The following CNTN5 variants were observed in gnomAD, a reference collection of about 807,000 sequenced individuals.
CNTN5 encodes contactin 5, also known as contactin-5.
In CNTN5, 77 loss-of-function variants were observed where a neutral mutation model predicts 129.1. The ratio of observed to expected loss-of-function variants is 0.60; its 90% confidence interval spans 0.50 to 0.72. CNTN5 has a LOEUF of 0.72. Ranked by LOEUF, CNTN5 falls within the 30% of genes least tolerant of loss-of-function variation. CNTN5 has a pLI of 0.00. For missense variants in CNTN5, 1,478 were observed against 1,328.8 expected (o/e 1.11, Z -1.75); for synonymous variants, 509 against 465.6 (o/e 1.09, Z -1.20).
chr11:99,955,025 TTTAA>T (rs1950764904), intron 7 of CNTN5, among the ~76,000 whole-genome samples: 1 of 152,140 alleles, frequency 6.6e-6, no homozygotes, highest in Non-Finnish European at 1.5e-5. Context: ...TATTTTTAAA[TTTAA>T]TGAATGATGT....
intron 3 of CNTN5, among the ~76,000 whole-genome samples, chr11:99,661,908 G>A (rs1463064894): frequency 6.6e-6 from 1 of 152,034 alleles, no homozygotes; most frequent in Non-Finnish European, 1.5e-5. Flanking sequence ...AATTTATGTA[G>A]AAGCAAGAGA....
intron 3 of CNTN5, among the ~76,000 whole-genome samples, chr11:99,798,544 T>G (rs1946018785): frequency 6.6e-6 from 1 of 152,130 alleles, no homozygotes; most frequent in Admixed American, 6.5e-5. Flanking sequence ...ACTGCTTGTT[T>G]TTGTTGACTT....
intron 18 of CNTN5, among the ~76,000 whole-genome samples, chr11:100,289,347 A>G (rs371686705): frequency 6.6e-5 from 10 of 152,100 alleles, no homozygotes; most frequent in South Asian, 2.1e-4. Flanking sequence ...GAACATTGAT[A>G]CAAAAATCCT....
chr11:99,228,849 AG>A (rs2135722168), intron 1 of CNTN5, among the ~76,000 whole-genome samples: 1 of 152,114 alleles, frequency 6.6e-6, no homozygotes, highest in Admixed American at 6.6e-5. Context: ...AAAATATTTC[AG>A]ACTTTTTAAT....
chr11:100,107,011 T>C (rs1945462687), intron 13 of CNTN5, among the ~76,000 whole-genome samples: 1 of 152,302 alleles, frequency 6.6e-6, no homozygotes, highest in East Asian at 1.9e-4. Flanking sequence ...TTAACTACAG[T>C]CATACCTATT....
At chr11:99,738,551 C>A (rs1417610567) in intron 3 of CNTN5, among the ~76,000 whole-genome samples, 1 of 151,272 alleles carries the variant, frequency 6.6e-6, no homozygotes, top group African/African-American at 2.4e-5. Flanking sequence ...AAGGAAAGTG[C>A]TGAAAGCAGA....
intron 1 of CNTN5, among the ~76,000 whole-genome samples, chr11:99,236,494 ACACAG>A (rs769160202): frequency 6.3e-4 from 91 of 144,490 alleles, no homozygotes; most frequent in South Asian, 1.1e-3. Flanking sequence ...ACACACACAC[ACACAG>A]AGAGAGAGAG....
At chr11:99,732,275 G>C (rs1943560397) in intron 3 of CNTN5, among the ~76,000 whole-genome samples, 1 of 152,108 alleles carries the variant, frequency 6.6e-6, no homozygotes, top group African/African-American at 2.4e-5. Flanking sequence ...GAGTTAGTGA[G>C]CTGGAATGAT....
intron 1 of CNTN5, among the ~76,000 whole-genome samples, chr11:99,113,169 G>C (rs1292698475): frequency 2.6e-5 from 4 of 151,986 alleles, no homozygotes. Flanking sequence ...ATCTTTTTCA[G>C]AGTAACAGTT....
intron 1 of CNTN5, among the ~76,000 whole-genome samples, chr11:99,105,042 T>G (rs905827863): frequency 2.0e-5 from 3 of 152,152 alleles, no homozygotes; most frequent in Non-Finnish European, 4.4e-5. Flanking sequence ...ATCTGCTCTA[T>G]TCTCATTAGT....
At chr11:99,342,668 ATGGAGGT>A (rs1396292424) in intron 2 of CNTN5, among the ~76,000 whole-genome samples, 1 of 148,152 alleles carries the variant, frequency 6.7e-6, no homozygotes, top group Admixed American at 6.8e-5. Context: ...ATCCCAGGAG[ATGGAGGT>A]TGTGGTGATA....
At chr11:100,092,774 C>T (rs1944840870) in intron 13 of CNTN5, among the ~76,000 whole-genome samples, 1 of 147,866 alleles carries the variant, frequency 6.8e-6, no homozygotes, top group Admixed American at 6.8e-5. Flanking sequence ...TATGTGTGTG[C>T]TGGGAGGCGG....
chr11:99,690,764 TG>T (rs1954006770), intron 3 of CNTN5, among the ~76,000 whole-genome samples: 1 of 152,170 alleles, frequency 6.6e-6, no homozygotes, highest in Admixed American at 6.5e-5. Context: ...AGGATGATGA[TG>T]GCCTCATAGA....
intron 6 of CNTN5, among the ~76,000 whole-genome samples, chr11:99,900,387 C>T (rs895318241): frequency 2.0e-5 from 3 of 151,922 alleles, no homozygotes; most frequent in African/African-American, 7.2e-5. Flanking sequence ...CACATTTGAT[C>T]ATGGTGGATT....
chr11:99,451,593 T>C (rs1380218411), intron 2 of CNTN5, among the ~76,000 whole-genome samples: 1 of 152,184 alleles, frequency 6.6e-6, no homozygotes, highest in African/African-American at 2.4e-5. Flanking sequence ...TTTTATATGT[T>C]AGAAAGCATC....
intron 13 of CNTN5, among the ~76,000 whole-genome samples, chr11:100,097,490 T>C (rs920862370): frequency 6.6e-6 from 1 of 151,922 alleles, no homozygotes; most frequent in East Asian, 1.9e-4. Context: ...TTAGCAAAAG[T>C]GAAAAAAACA....
intron 2 of CNTN5, among the ~76,000 whole-genome samples, chr11:99,414,486 T>A (rs975598179): frequency 6.6e-6 from 1 of 151,940 alleles, no homozygotes; most frequent in African/African-American, 2.4e-5. Context: ...AGAATATATA[T>A]GTATAAGAAT....
intron 3 of CNTN5, among the ~76,000 whole-genome samples, chr11:99,763,598 T>C (rs1944657863): frequency 6.6e-6 from 1 of 152,096 alleles, no homozygotes; most frequent in Admixed American, 6.6e-5. Context: ...TTTAAATGCG[T>C]GTAGTCAAAA....
At chr11:100,124,545 C>T (rs758038378) in intron 13 of CNTN5, among the ~76,000 whole-genome samples, 35 of 151,822 alleles carry the variant, frequency 2.3e-4, no homozygotes, top group Non-Finnish European at 2.9e-5. Flanking sequence ...ATGACAAGAC[C>T]CAGTTCAGAC....
Sources: allele counts gnomAD v4.1 joint callset (sites outside exome capture counted in the v4.1 genomes callset), GRCh38; gene constraint gnomAD v4.1.1; transcripts MANE v1.5; gene names NCBI Gene and HGNC (gene_info 2026-07-23, HGNC 2026-07-21).